NKAIN3: variants seen among roughly 807,000 people sequenced by gnomAD.
NKAIN3 encodes the protein sodium/potassium-transporting ATPase subunit beta-1-interacting protein 3.
A neutral mutation model predicts 30.2 loss-of-function variants in NKAIN3; 25 were observed. The ratio of observed to expected loss-of-function variants is 0.83; its 90% CI spans 0.60 to 1.16. The LOEUF (loss-of-function observed/expected upper bound fraction) is 1.16, where lower values mean the gene tolerates loss of function less well. Among genes scored for constraint, NKAIN3 ranks in the 50% most tolerant of loss-of-function variants. The pLI, the probability that NKAIN3 is intolerant of heterozygous loss-of-function variation, is 0.00. For missense variants in NKAIN3, 225 were observed against 254.1 expected (o/e 0.89, Z 0.78); for synonymous variants, 91 against 89.6 (o/e 1.02, Z -0.09).
chr8:62,711,689 T>C (rs142081529), intron 3 of NKAIN3, among the ~76,000 whole-genome samples: 48 of 152,340 alleles, frequency 3.2e-4, no homozygotes, highest in African/African-American at 9.6e-4. Context: ...CACCTTTCTC[T>C]GGTCCCTCCC....
At chr8:62,924,559 A>G (rs1011376031) in intron 5 of NKAIN3, among the ~76,000 whole-genome samples, 2 of 152,172 alleles carry the variant, frequency 1.3e-5, no homozygotes, top group South Asian at 2.1e-4. Context: ...TCTCCTCTCT[A>G]TCTCCATTTA....
rs1240606223 is a variant in NKAIN3 at position 62,667,355 on chromosome 8, ATATC to A, written c.273+77563_273+77566del. 5.0e-4 allele frequency among the ~76,000 whole-genome samples: 38 copies of A among 76,710 alleles called. No homozygotes were observed. In the East Asian group the frequency reaches 8.1e-3, roughly 16 times the overall value. The allele number at this position is 76,710 out of a possible 152,430, so 50.3% of individuals were successfully genotyped here. ...CTTTATATATATATTCTTTATATATATATCTGTATATATATATATAAATATATAT... is the reference window on the plus strand; with the variant it reads ...CTTTATATATATATTCTTTATATATATGTATATATATATATAAATATATAT... On this transcript the variant is annotated intron_variant, in intron 3 of 6. Transcript: ENST00000623646.
At chr8:62,347,444 A>G (rs1816038909) in intron 1 of NKAIN3, among the ~76,000 whole-genome samples, 1 of 152,162 alleles carries the variant, frequency 6.6e-6, no homozygotes, top group African/African-American at 2.4e-5. Context: ...CAAAGATTCT[A>G]AAGAGATTAT....
At position 62,619,073 on chromosome 8, in the gene NKAIN3, C is replaced by T. The variant is rs879399597; in HGVS notation, c.273+29279C>T. On this transcript the variant is annotated intron_variant, in intron 3 of 6. Coordinates refer to ENST00000623646, the MANE Select transcript of NKAIN3 (RefSeq NM_001304533.3). ...GCCTCAGATTCCAACTTGGAGAAATCGGATCCTAATGTAACCAGTGCAGTG... is the reference window on the plus strand; with the variant it reads ...GCCTCAGATTCCAACTTGGAGAAATTGGATCCTAATGTAACCAGTGCAGTG... Among the ~76,000 whole-genome samples, 11 of 152,198 alleles carry T rather than the reference C, an allele frequency of 7.2e-5. No individual in the cohort carries two copies. In the East Asian group the frequency reaches 7.7e-4, roughly 11 times the overall value.
intron 1 of NKAIN3, among the ~76,000 whole-genome samples, chr8:62,561,449 A>C (rs1397562519): frequency 6.6e-6 from 1 of 152,184 alleles, no homozygotes; most frequent in East Asian, 1.9e-4. Context: ...TCCATGAATG[A>C]GGCACAAATA....
intron 4 of NKAIN3, among the ~76,000 whole-genome samples, chr8:62,768,037 A>G (rs1024894514): frequency 2.4e-4 from 37 of 152,168 alleles, no homozygotes; most frequent in Admixed American, 1.8e-3. Flanking sequence ...TTATATTTCT[A>G]TTAGACAGTG....
At chr8:62,768,504 G>T (rs975134078) in intron 4 of NKAIN3, among the ~76,000 whole-genome samples, 1 of 152,164 alleles carries the variant, frequency 6.6e-6, no homozygotes, top group Admixed American at 6.5e-5. Context: ...TGCCCCAAAA[G>T]TCTAAATGAG....
intron 5 of NKAIN3, among the ~76,000 whole-genome samples, chr8:62,920,574 C>G (rs543521833): frequency 4.6e-5 from 7 of 152,186 alleles, no homozygotes; most frequent in African/African-American, 1.7e-4. Flanking sequence ...CAGATATCGT[C>G]GTTCCATTGA....
intron 3 of NKAIN3, among the ~76,000 whole-genome samples, chr8:62,715,101 A>T (rs1432030467): frequency 6.6e-6 from 1 of 152,072 alleles, no homozygotes; most frequent in East Asian, 1.9e-4. Context: ...GAGAGAGAGA[A>T]GTAGGAGGTG....
intron 1 of NKAIN3, among the ~76,000 whole-genome samples, chr8:62,534,315 T>C (rs1184610180): frequency 1.3e-5 from 2 of 152,118 alleles, no homozygotes; most frequent in Non-Finnish European, 2.9e-5. Context: ...GAAACACCTG[T>C]CTGGAAGAAA....
At chr8:62,846,344 G>C (rs1819688243) in intron 4 of NKAIN3, among the ~76,000 whole-genome samples, 1 of 151,924 alleles carries the variant, frequency 6.6e-6, no homozygotes, top group Non-Finnish European at 1.5e-5. Flanking sequence ...TTTAAGTTCA[G>C]GGGTACATGT....
intron 1 of NKAIN3, among the ~76,000 whole-genome samples, chr8:62,523,054 G>A (rs1808204047): frequency 6.6e-6 from 1 of 152,090 alleles, no homozygotes; most frequent in South Asian, 2.1e-4. Context: ...GCAACGTCTA[G>A]TCCTGCAAGC....
At chr8:62,886,973 C>T (rs998807348) in intron 4 of NKAIN3, among the ~76,000 whole-genome samples, 1 of 152,136 alleles carries the variant, frequency 6.6e-6, no homozygotes, top group Non-Finnish European at 1.5e-5. Context: ...GCTTCATCCA[C>T]ATCTCTACAA....
At chr8:62,340,850 A>C (rs1815718071) in intron 1 of NKAIN3, among the ~76,000 whole-genome samples, 1 of 151,996 alleles carries the variant, frequency 6.6e-6, no homozygotes, top group Non-Finnish European at 1.5e-5. Context: ...AGGCATTGTC[A>C]GGAAGAGGGC....
At chr8:62,866,366 G>A (rs1208486058) in intron 4 of NKAIN3, among the ~76,000 whole-genome samples, 3 of 152,142 alleles carry the variant, frequency 2.0e-5, no homozygotes, top group Admixed American at 6.5e-5. Context: ...TATTCATTCC[G>A]TAGGTAGCTT....
At chr8:62,451,403 A>G (rs1194254754) in intron 1 of NKAIN3, among the ~76,000 whole-genome samples, 2 of 150,482 alleles carry the variant, frequency 1.3e-5, no homozygotes, top group Non-Finnish European at 2.9e-5. Flanking sequence ...CTGTGAATTC[A>G]GATAGCCTTT....
intron 1 of NKAIN3, among the ~76,000 whole-genome samples, chr8:62,402,721 T>C (rs1453790394): frequency 6.6e-6 from 1 of 152,202 alleles, no homozygotes; most frequent in African/African-American, 2.4e-5. Flanking sequence ...GAATTTAACC[T>C]CTTTCCTTTG....
intron 4 of NKAIN3, among the ~76,000 whole-genome samples, chr8:62,850,164 C>G (rs944876527): frequency 2.6e-5 from 4 of 151,888 alleles, no homozygotes; most frequent in African/African-American, 4.8e-5. Flanking sequence ...GTGTGAGATG[C>G]TATCTCATTG....
intron 4 of NKAIN3, among the ~76,000 whole-genome samples, chr8:62,851,197 T>C (rs1025120089): frequency 3.9e-5 from 6 of 152,198 alleles, no homozygotes; most frequent in African/African-American, 1.4e-4. Context: ...GATTGCTAGG[T>C]ATTTTATTCT....
Sources: allele counts gnomAD v4.1 joint callset (sites outside exome capture counted in the v4.1 genomes callset), GRCh38; gene constraint gnomAD v4.1.1; transcripts MANE v1.5; gene names NCBI Gene and HGNC (gene_info 2026-07-23, HGNC 2026-07-21).